Variants in UNC13C observed in about 807,000 individuals in gnomAD.
UNC13C encodes protein unc-13 homolog C.
In UNC13C, 174 loss-of-function variants were observed where a neutral mutation model predicts 245.4. That is an observed-to-expected ratio of 0.71 (90% CI 0.63 to 0.80). The LOEUF (loss-of-function observed/expected upper bound fraction) is 0.80, where lower values mean the gene tolerates loss of function less well. Among genes scored for constraint, UNC13C ranks in the 30% least tolerant of loss-of-function variants. UNC13C has a pLI of 0.00. For synonymous variants in UNC13C, 992 were observed against 895.1 expected (o/e 1.11, Z -1.93); for missense variants, 2,829 against 2,602.9 (o/e 1.09, Z -1.89).
intron 8 of UNC13C, among the ~76,000 whole-genome samples, chr15:54,259,399 A>C (rs2036365313): frequency 6.6e-6 from 1 of 152,266 alleles, no homozygotes; most frequent in Non-Finnish European, 1.5e-5. Context: ...GAGGCCTAAC[A>C]GTCATGGCGG....
the UNC13C span, among the ~76,000 whole-genome samples, chr15:53,920,856 G>A: frequency 5.2e-4 from 78 of 149,198 alleles, no homozygotes; most frequent in Non-Finnish European, 8.7e-4. Flanking sequence ...ATCTAGTATG[G>A]GAGTCATTTT....
chr15:54,595,521 T>A (rs1486493175), intron 30 of UNC13C, among the ~76,000 whole-genome samples: 2 of 152,218 alleles, frequency 1.3e-5, no homozygotes, highest in Non-Finnish European at 2.9e-5. Flanking sequence ...GGAGCTAAAA[T>A]TCACAGTGCA....
Position 54,377,875 on chromosome 15 carries a change from G to A in UNC13C, c.4714-15173G>A, listed in dbSNP as rs572740335. Among the ~76,000 whole-genome samples the A allele has an allele frequency of 7.2e-5, 11 of 152,250 alleles. No homozygotes were observed. In the South Asian group the frequency reaches 2.1e-3, roughly 29 times the overall value. On this transcript the variant is annotated intron_variant, in intron 17 of 32. Coordinates refer to ENST00000260323, the MANE Select transcript of UNC13C (RefSeq NM_001080534.3). ...TAGGTATCAATGTATGAATTTGGCC[G>A]TGGGGATTAGACCATATCACTTATG... is the stretch of plus-strand genomic sequence containing the variant.
At chr15:54,496,652 T>C (rs1041927997) in intron 20 of UNC13C, among the ~76,000 whole-genome samples, 22 of 152,150 alleles carry the variant, frequency 1.4e-4, no homozygotes, top group African/African-American at 5.1e-4. Flanking sequence ...AGGAATGAAA[T>C]AATGACATTC....
At chr15:53,949,389 C>T in the UNC13C span, among the ~76,000 whole-genome samples, 1 of 152,114 alleles carries the variant, frequency 6.6e-6, no homozygotes, top group Non-Finnish European at 1.5e-5. Flanking sequence ...CCAGGAAATC[C>T]ATAGACATTT....
At chr15:53,891,396 G>C in the UNC13C span, among the ~76,000 whole-genome samples, 2 of 152,168 alleles carry the variant, frequency 1.3e-5, no homozygotes, top group Non-Finnish European at 2.9e-5. Flanking sequence ...TTCCCGAGCT[G>C]AGTTCAGGTC....
chr15:54,263,935 A>C (rs74670077), intron 8 of UNC13C, among the ~76,000 whole-genome samples: 1 of 152,238 alleles, frequency 6.6e-6, no homozygotes, highest in African/African-American at 2.4e-5. Flanking sequence ...GTAATACAAA[A>C]GAAAAGCCTG....
chr15:54,473,597 G>A lies in UNC13C; in HGVS notation c.4934-21011G>A, dbSNP rs184102857. On this transcript the variant is annotated intron_variant, in intron 19 of 32. Transcript: ENST00000260323. ...TTTAGCTCCCAAAATTTGTCTTTCTGTGCCTAGCTTATTTGACATCATATA... is the reference window on the plus strand; with the variant it reads ...TTTAGCTCCCAAAATTTGTCTTTCTATGCCTAGCTTATTTGACATCATATA... 2.6e-5 allele frequency among the ~76,000 whole-genome samples: 4 copies of A among 151,804 alleles called. No homozygotes were observed. In the East Asian group the frequency reaches 7.7e-4, roughly 29 times the overall value.
At chr15:54,002,371 A>G (rs1200183659) in intron 1 of UNC13C, among the ~76,000 whole-genome samples, 5 of 152,076 alleles carry the variant, frequency 3.3e-5, no homozygotes, top group African/African-American at 1.2e-4. Context: ...AGAAGCTCTG[A>G]GTCTAGCTTT....
intron 10 of UNC13C, among the ~76,000 whole-genome samples, chr15:54,278,565 A>C (rs149752796): frequency 2.3e-4 from 35 of 152,256 alleles, no homozygotes; most frequent in African/African-American, 7.9e-4. Flanking sequence ...TAAGCTGTAC[A>C]ATGCCGTTCT....
At chr15:54,403,715 CAAAAAA>C (rs771818988) in intron 18 of UNC13C, among the ~76,000 whole-genome samples, 2 of 56,868 alleles carry the variant, frequency 3.5e-5, no homozygotes, top group Admixed American at 2.6e-4. Context: ...GAACCTGTCT[CAAAAAA>C]AAAAAAAAAA....
intron 3 of UNC13C, 48 bp from the exon 4 acceptor site, chr15:54,143,572 T>C: frequency 6.6e-7 from 1 of 1,519,544 alleles, no homozygotes; most frequent in Non-Finnish European, 9.1e-7. Context: ...AAAACTGTAG[T>C]ATGCTAAAAG....
At chr15:53,964,613 A>G in the UNC13C span, among the ~76,000 whole-genome samples, 1 of 152,212 alleles carries the variant, frequency 6.6e-6, no homozygotes, top group Non-Finnish European at 1.5e-5. Context: ...ATGTTCAGGT[A>G]TTCTTCTGTG....
chr15:54,428,308 G>A (rs1033185548), intron 19 of UNC13C, among the ~76,000 whole-genome samples: 7 of 151,658 alleles, frequency 4.6e-5, no homozygotes, highest in African/African-American at 1.7e-4. Context: ...ATTGTTGCTG[G>A]AGGCCCTGTC....
intron 12 of UNC13C, 97 bp from the exon 13 acceptor site, chr15:54,300,113 C>A: frequency 9.2e-7 from 1 of 1,086,484 alleles, no homozygotes; most frequent in Non-Finnish European, 1.3e-6. Context: ...ACATTAGAGG[C>A]AATGACAGTG....
At chr15:54,001,131 G>T (rs1894867440) in intron 1 of UNC13C, among the ~76,000 whole-genome samples, 1 of 152,064 alleles carries the variant, frequency 6.6e-6, no homozygotes, top group African/African-American at 2.4e-5. Flanking sequence ...TTCATGACAG[G>T]TTTTGATAAA....
At chr15:54,480,416 CT>C (rs58297037) in intron 19 of UNC13C, among the ~76,000 whole-genome samples, 2,242 of 142,490 alleles carry the variant, frequency 0.016, 44 homozygotes, top group African/African-American at 0.052. Flanking sequence ...TTTTTTTACT[CT>C]TTTTTTTTTT....
intron 7 of UNC13C, among the ~76,000 whole-genome samples, chr15:54,237,895 C>T (rs1596062610): frequency 6.6e-6 from 1 of 152,110 alleles, no homozygotes; most frequent in African/African-American, 2.4e-5. Flanking sequence ...TATAAACCTT[C>T]CTATCTTTAC....
upstream of UNC13C, among the ~76,000 whole-genome samples, chr15:53,975,459 TAGTG>T (rs1566926163): frequency 6.6e-6 from 1 of 152,186 alleles, no homozygotes; most frequent in Non-Finnish European, 1.5e-5. Context: ...AAAAATATAA[TAGTG>T]AGGTTCAATG....
Sources: allele counts gnomAD v4.1 joint callset (sites outside exome capture counted in the v4.1 genomes callset), GRCh38; gene constraint gnomAD v4.1.1; transcripts MANE v1.5; gene names NCBI Gene and HGNC (gene_info 2026-07-23, HGNC 2026-07-21).